The following EML1 variants were observed in gnomAD, a reference collection of about 807,000 sequenced individuals.
EML1 encodes the protein echinoderm microtubule-associated protein-like 1.
EML1 carries 27 observed loss-of-function variants against 110.4 expected under a neutral mutation model. That is an observed-to-expected ratio of 0.24 (90% CI 0.18 to 0.34). The LOEUF (loss-of-function observed/expected upper bound fraction) is 0.34. Among genes scored for constraint, EML1 ranks in the 10% least tolerant of loss-of-function variants. The pLI is 1.00. For synonymous variants in EML1, 344 were observed against 385.8 expected, an observed-to-expected ratio of 0.89 and a Z score of 1.27; for missense variants, 741 against 1,030.9, an observed-to-expected ratio of 0.72 and a Z score of 3.85.
intron 1 of EML1, among the ~76,000 whole-genome samples, chr14:99,759,095 G>C (rs1022922593): frequency 6.6e-5 from 10 of 152,248 alleles, no homozygotes; most frequent in African/African-American, 2.4e-4. Context: ...CAAATCAGAG[G>C]GTGCTGAGGT....
At chr14:99,865,412 T>C (rs2059078988) in intron 2 of EML1, 102 bp from the exon 3 acceptor site, 2 of 1,454,666 alleles carry the variant, frequency 1.4e-6, no homozygotes, top group Non-Finnish European at 1.9e-6. Context: ...CTCCTCCTGC[T>C]GTGTGGCCTC....
intron 1 of EML1, among the ~76,000 whole-genome samples, chr14:99,751,112 C>T (rs1260227009): frequency 6.6e-6 from 1 of 152,126 alleles, no homozygotes; most frequent in Non-Finnish European, 1.5e-5. Context: ...CATCACATCC[C>T]AAGCACCTAC....
At chr14:99,923,163 A>C (rs1180503514) in intron 17 of EML1, among the ~76,000 whole-genome samples, 1 of 152,122 alleles carries the variant, frequency 6.6e-6, no homozygotes, top group Non-Finnish European at 1.5e-5. Flanking sequence ...GCTGGTCTTG[A>C]ACTCCTGGGC....
intron 7 of EML1, among the ~76,000 whole-genome samples, chr14:99,897,871 G>T (rs1222003492): frequency 6.6e-6 from 1 of 152,084 alleles, no homozygotes; most frequent in Non-Finnish European, 1.5e-5. Flanking sequence ...TGGTTCCTTG[G>T]TCAATGATAA....
chr14:99,849,505 TTGTG>T (rs764449866), intron 1 of EML1, among the ~76,000 whole-genome samples: 29 of 149,008 alleles, frequency 1.9e-4, no homozygotes, highest in Admixed American at 8.7e-4. Flanking sequence ...GTGTGTGTAT[TTGTG>T]TGTGTGTGTG....
At position 99,909,806 on chromosome 14, in the gene EML1, G is replaced by T. The variant is rs201447362; in HGVS notation, c.1239+327G>T. Among the ~76,000 whole-genome samples the T allele has an allele frequency of 2.4e-3, 371 of 152,262 alleles. 2 individuals are homozygous for T. The highest frequency in any genetic ancestry group is 8.4e-3 in the African/African-American group (350 of 41,536). On this transcript the variant is annotated intron_variant, in intron 11 of 21. Coordinates refer to ENST00000262233, the MANE Select transcript of EML1 (RefSeq NM_004434.3). ...ACATTAGAGACTCCCTGTGCCTTTTGTCTGGACGTTGTGGGGCTGCGAGAG... is the reference window on the plus strand; with the variant it reads ...ACATTAGAGACTCCCTGTGCCTTTTTTCTGGACGTTGTGGGGCTGCGAGAG...
chr14:99,911,627 TC>T, intron 13 of EML1, 51 bp downstream of exon 13: 2 of 1,572,384 alleles, frequency 1.3e-6, no homozygotes, highest in Admixed American at 4.2e-5. Flanking sequence ...TAAACTGTTA[TC>T]CTTTTTTTAT....
intron 1 of EML1, among the ~76,000 whole-genome samples, chr14:99,764,592 G>A (rs547928236): frequency 2.6e-5 from 4 of 152,360 alleles, no homozygotes; most frequent in East Asian, 1.9e-4. Context: ...GCAGGTTGGC[G>A]AACAGATGAA....
At chr14:99,792,053 T>G (rs2057680523), upstream of EML1, among the ~76,000 whole-genome samples, 1 of 152,180 alleles carries the variant, frequency 6.6e-6, no homozygotes, top group Non-Finnish European at 1.5e-5. Flanking sequence ...GAATAAGCTC[T>G]TAAACTTCTC....
At chr14:99,782,232 G>A (rs9671973) in intron 1 of EML1, among the ~76,000 whole-genome samples, 18,576 of 151,780 alleles carry the variant, frequency 0.12, 1,375 homozygotes, top group East Asian at 0.37. Flanking sequence ...GTGAGGGTTT[G>A]GGCCTGACAG....
At chr14:99,922,617 G>T (rs2060150467) in intron 17 of EML1, among the ~76,000 whole-genome samples, 1 of 152,124 alleles carries the variant, frequency 6.6e-6, no homozygotes, top group Non-Finnish European at 1.5e-5. Flanking sequence ...TCAGCCATGT[G>T]CTAGGGTTCT....
In EML1 at chr14:99,810,479, A is replaced by G. The variant is rs1358113563; in HGVS notation, c.67+16936A>G. 2.0e-5 allele frequency among the ~76,000 whole-genome samples: 3 copies of G among 152,218 alleles called. No homozygotes were observed. In the East Asian group the frequency reaches 5.8e-4, roughly 29 times the overall value. ...ACCAGCTGGTGTTGGCCCTTTTCAT[A>G]GATGAGGAAACTGAGGGCTAAATAG... On this transcript the variant is annotated intron_variant, in intron 1 of 21. Transcript: ENST00000262233.
intron 1 of EML1, among the ~76,000 whole-genome samples, chr14:99,847,955 A>T (rs193095989): frequency 7.9e-5 from 12 of 152,230 alleles, no homozygotes; most frequent in Admixed American, 7.9e-4. Context: ...AAAAAAAATT[A>T]TTCTGCCATC....
At chr14:99,925,023 T>G (rs544727087) in intron 17 of EML1, among the ~76,000 whole-genome samples, 1 of 152,268 alleles carries the variant, frequency 6.6e-6, no homozygotes, top group Non-Finnish European at 1.5e-5. Flanking sequence ...CAGATATTGG[T>G]GTATAGTTTT....
intron 1 of EML1, among the ~76,000 whole-genome samples, chr14:99,753,757 CCATTCTTCCTTTAGAAAG>C (rs1240866308): frequency 6.6e-6 from 1 of 152,162 alleles, no homozygotes; most frequent in Non-Finnish European, 1.5e-5. Flanking sequence ...CTGCTTGTTG[CCATTCTTCCTTTAGAAAG>C]TGCTTAGGGA....
At chr14:99,917,095 G>A (rs191596592) in intron 15 of EML1, among the ~76,000 whole-genome samples, 49 of 152,284 alleles carry the variant, frequency 3.2e-4, no homozygotes, top group African/African-American at 9.9e-4. Context: ...GTTGGGTGCC[G>A]TGGTTGTCTT....
At chr14:99,909,116 C>T (rs1375244362) in intron 10 of EML1, among the ~76,000 whole-genome samples, 1 of 152,178 alleles carries the variant, frequency 6.6e-6, no homozygotes, top group Non-Finnish European at 1.5e-5. Flanking sequence ...GCTCCCTGTC[C>T]TCAAGGGCTC....
chr14:99,801,563 C>T (rs563015494), intron 1 of EML1, among the ~76,000 whole-genome samples: 1 of 151,438 alleles, frequency 6.6e-6, no homozygotes, highest in African/African-American at 2.4e-5. Flanking sequence ...TGCAGTGAGC[C>T]AAGATCGTGC....
At position 99,837,206 on chromosome 14, in the gene EML1, C is replaced by T. The variant is rs192829119; in HGVS notation, c.68-13647C>T. 3.2e-4 allele frequency among the ~76,000 whole-genome samples: 49 copies of T among 152,256 alleles called. No individual in the cohort carries two copies. The East Asian group carries it at 8.9e-3, about 28-fold the overall frequency. The stretch of plus-strand genomic sequence containing the variant: ...CTGCCCTGGACTTACAGCCGTGTGT[C>T]TCAGCAACTTAGGGAGACTCAGGCT... On this transcript the variant is annotated intron_variant, in intron 1 of 21. Transcript: ENST00000262233.
Sources: gnomAD v4.1 joint callset for allele counts (sites outside exome capture counted in the v4.1 genomes callset) on GRCh38, gnomAD v4.1.1 for gene constraint, MANE v1.5 for transcripts, NCBI Gene and HGNC (gene_info 2026-07-23, HGNC 2026-07-21) for gene names.